TRAF2: variants seen among roughly 807,000 people sequenced by gnomAD.
TRAF2 encodes TNF receptor-associated factor 2.
A neutral mutation model predicts 55.6 loss-of-function variants in TRAF2; 6 were observed. The observed-to-expected ratio is 0.11, with a 90% CI of 0.06 to 0.21. TRAF2 has a LOEUF of 0.21. Ranked by LOEUF, TRAF2 falls within the 10% of genes least tolerant of loss-of-function variation. TRAF2 has a pLI of 1.00. For missense variants in TRAF2, 561 were observed against 684.5 expected, an observed-to-expected ratio of 0.82 and a Z score of 2.01; for synonymous variants, 329 against 276.3, an observed-to-expected ratio of 1.19 and a Z score of -1.89.
At chr9:136,924,949 G>C (rs886860753) in intron 10 of TRAF2, among the ~76,000 whole-genome samples, 2 of 152,198 alleles carry the variant, frequency 1.3e-5, no homozygotes, top group South Asian at 2.1e-4. Flanking sequence ...ATGTTGGCCA[G>C]GCTGGTCTTG....
chr9:136,891,310 A>G (rs1201236610), intron 1 of TRAF2, among the ~76,000 whole-genome samples: 2 of 150,738 alleles, frequency 1.3e-5, no homozygotes, highest in Admixed American at 6.6e-5. Context: ...GGGTCTCACC[A>G]TGTTGGCCAG....
At chr9:136,920,991 G>A in intron 8 of TRAF2, 47 bp from the exon 9 acceptor site, 1 of 1,605,432 alleles carries the variant, frequency 6.2e-7, no homozygotes, top group Non-Finnish European at 8.5e-7. Flanking sequence ...AGGGGCTCGT[G>A]CCCGCACCCC....
chr9:136,917,218 A>G (rs1225677762), intron 7 of TRAF2, among the ~76,000 whole-genome samples: 3 of 152,130 alleles, frequency 2.0e-5, no homozygotes, highest in Non-Finnish European at 4.4e-5. Flanking sequence ...ACAGATGGAA[A>G]TCGATCACAG....
At chr9:136,882,244 G>C (rs951936379), upstream of TRAF2, among the ~76,000 whole-genome samples, 6 of 152,172 alleles carry the variant, frequency 3.9e-5, no homozygotes, top group African/African-American at 9.7e-5. Context: ...GCCCTGCTGG[G>C]CACAGAGGGC....
intron 10 of TRAF2, among the ~76,000 whole-genome samples, chr9:136,925,159 T>C (rs1249035876): frequency 6.6e-6 from 1 of 152,150 alleles, no homozygotes; most frequent in African/African-American, 2.4e-5. Context: ...CCACCCCCTA[T>C]AGCTAGTGGA....
chr9:136,890,015 C>T (rs1215350855), intron 1 of TRAF2, among the ~76,000 whole-genome samples: 2 of 138,298 alleles, frequency 1.4e-5, no homozygotes, highest in African/African-American at 2.8e-5. Context: ...CACGCTCGTT[C>T]AGCCGGTCAC....
chr9:136,921,218 G>A lies in TRAF2; in HGVS notation c.1138+3G>A. ...CATACCCGCCATCTTCTCCCCAGGTGTGGTTCTAGGACCCCCACCTCACTG... is the reference window on the plus strand; with the variant it reads ...CATACCCGCCATCTTCTCCCCAGGTATGGTTCTAGGACCCCCACCTCACTG... On this transcript the variant is annotated splice_donor_region_variant and intron_variant, in intron 9 of 10. Coordinates refer to ENST00000247668, the MANE Select transcript of TRAF2 (RefSeq NM_021138.4). 1 of 1,613,620 alleles carries A rather than the reference G, an allele frequency of 6.2e-7. No homozygotes were observed. The highest frequency in any genetic ancestry group is 8.5e-7 in the Non-Finnish European group (1 of 1,179,996).
chr9:136,899,443 G>A, intron 2 of TRAF2, 151 bp from the exon 3 acceptor site: 1 of 616,748 alleles, frequency 1.6e-6, no homozygotes, highest in South Asian at 2.0e-5. Flanking sequence ...TTTAAAACAT[G>A]TCCTGTTAAC....
chr9:136,900,438 C>A lies in TRAF2; in HGVS notation c.284C>A (p.Ala95Asp). The A allele has an allele frequency of 6.2e-7, 1 of 1,604,356 alleles. No individual in the cohort carries two copies. The highest frequency in any genetic ancestry group is 1.7e-5 in the Admixed American group (1 of 59,474). The change falls in exon 4 of 11, where the codon GCT (alanine) becomes GAT (aspartate). Residue 95 changes from alanine to aspartate, a missense_variant. Physicochemically the swap from Ala to Asp is moderately radical, Grantham distance 126. Coordinates refer to ENST00000247668, the MANE Select transcript of TRAF2 (RefSeq NM_021138.4). ...LESSSAFPDNAARREVESLPA... is the reference protein window; with the variant it reads ...LESSSAFPDNDARREVESLPA... ...TCTCCCCAGGCCTTCCCAGATAATG[C>A]TGCCCGCAGGGAGGTGGAGAGCCTG...
In TRAF2 at chr9:136,898,858, G is replaced by A. The variant is rs1030517939; in HGVS notation, c.118G>A (p.Val40Ile). 8.7e-6 allele frequency: 14 copies of A among 1,613,414 alleles called. No individual in the cohort carries two copies. Among genetic ancestry groups the A allele is most frequent in the East Asian group, 2.2e-5 (1 of 44,886 alleles). ...AKYLCSACRN[V>I]LRRPFQAQCG... ...GTACCTGTGCTCCGCCTGCAGAAAC[G>A]TCCTCCGCAGGCCCTTCCAGGCGCA... The change falls in exon 2 of 11, where the codon GTC becomes ATC. Residue 40 changes from valine to isoleucine, a missense_variant. Val to Ile is a conservative substitution (Grantham distance 29). This residue lies in a region of TRAF2 where 426 missense variants were observed against 476.8 expected (regional missense o/e 0.89). Transcript: ENST00000247668.
At chr9:136,924,429 G>C (rs1361994008) in intron 10 of TRAF2, among the ~76,000 whole-genome samples, 4 of 151,970 alleles carry the variant, frequency 2.6e-5, no homozygotes, top group African/African-American at 7.3e-5. Flanking sequence ...GGGCATGGTG[G>C]TGTGCACCTG....
chr9:136,921,324 G>T, intron 9 of TRAF2, 109 bp downstream of exon 9: 1 of 1,350,142 alleles, frequency 7.4e-7, no homozygotes, highest in South Asian at 1.3e-5. Flanking sequence ...GCTGGGATAC[G>T]ACCCCCAGTG....
chr9:136,897,477 T>G (rs562499191), intron 1 of TRAF2, among the ~76,000 whole-genome samples: 27 of 151,800 alleles, frequency 1.8e-4, no homozygotes, highest in African/African-American at 5.6e-4. Flanking sequence ...CTAAAGGGAA[T>G]GCACTAGCCA....
rs17250616 is a variant in TRAF2 at position 136,923,259 on chromosome 9, C to T, written c.1139-593C>T. Among the ~76,000 whole-genome samples the T allele has an allele frequency of 7.5e-3, 1,150 of 152,318 alleles. 18 individuals are homozygous for T. The highest frequency in any genetic ancestry group is 0.026 in the African/African-American group (1,085 of 41,558). ...CCCAACCACTGCATTTAGTGGATCT[C>T]GCCATGTGGCTCTGCTCATCTTCTT... On this transcript the variant is annotated intron_variant, in intron 9 of 10. Coordinates refer to ENST00000247668, the MANE Select transcript of TRAF2 (RefSeq NM_021138.4).
chr9:136,907,158 C>T (rs964939783), intron 4 of TRAF2, among the ~76,000 whole-genome samples: 1 of 152,250 alleles, frequency 6.6e-6, no homozygotes, highest in Admixed American at 6.5e-5. Context: ...TGTCCTTTTC[C>T]CTTGCCACCC....
At chr9:136,905,689 T>A (rs377262887) in intron 4 of TRAF2, among the ~76,000 whole-genome samples, 12 of 152,356 alleles carry the variant, frequency 7.9e-5, no homozygotes, top group African/African-American at 2.9e-4. Flanking sequence ...CATAGCAGAC[T>A]TCTCCCAAAA....
chr9:136,923,128 C>G (rs1287722746), intron 9 of TRAF2, among the ~76,000 whole-genome samples: 1 of 152,148 alleles, frequency 6.6e-6, no homozygotes, highest in Non-Finnish European at 1.5e-5. Flanking sequence ...GAAGTCGACT[C>G]TTCTTGTTTT....
intron 10 of TRAF2, among the ~76,000 whole-genome samples, chr9:136,924,887 C>A (rs575974981): frequency 1.3e-5 from 2 of 151,952 alleles, no homozygotes; most frequent in Non-Finnish European, 2.9e-5. Flanking sequence ...TACAGGCATG[C>A]ACCACCACGC....
chr9:136,895,444 TCA>T (rs1564405768), intron 1 of TRAF2, among the ~76,000 whole-genome samples: 1 of 152,198 alleles, frequency 6.6e-6, no homozygotes, highest in East Asian at 1.9e-4. Context: ...CCTGGAGGCA[TCA>T]GTCAGGCTCA....
Sources: gnomAD v4.1 joint callset for allele counts (sites outside exome capture counted in the v4.1 genomes callset) on GRCh38, gnomAD v4.1.1 for gene constraint, gnomAD v4.1.1 regional missense constraint, MANE v1.5 for transcripts, NCBI Gene and HGNC (gene_info 2026-07-23, HGNC 2026-07-21) for gene names.